The following GRID2 variants were observed in gnomAD, a reference collection of about 807,000 sequenced individuals.
GRID2 encodes the protein glutamate receptor ionotropic, delta-2.
GRID2 carries 33 observed loss-of-function variants against 114.8 expected under a neutral mutation model. That is an observed-to-expected ratio of 0.29 (90% confidence interval 0.22 to 0.38). The LOEUF (loss-of-function observed/expected upper bound fraction) is 0.38. Ranked by LOEUF, GRID2 falls within the 10% of genes least tolerant of loss-of-function variation. GRID2 has a pLI of 1.00. For synonymous variants in GRID2, 505 were observed against 449.9 expected (o/e 1.12, Z -1.55); for missense variants, 1,184 against 1,257.7 (o/e 0.94, Z 0.89).
At chr4:92,379,331 A>C (rs1172820053) in intron 1 of GRID2, among the ~76,000 whole-genome samples, 3 of 151,972 alleles carry the variant, frequency 2.0e-5, no homozygotes, top group African/African-American at 7.2e-5. Context: ...TTTTGTTGCC[A>C]TGAGTTTGGG....
chr4:93,609,207 T>C (rs1221263629), intron 13 of GRID2, among the ~76,000 whole-genome samples: 1 of 94,594 alleles, frequency 1.1e-5, no homozygotes, highest in Non-Finnish European at 2.4e-5. Flanking sequence ...AGATTCTGGA[T>C]ATTAGCCCTT....
chr4:92,935,074 A>G (rs1268030684), intron 2 of GRID2, among the ~76,000 whole-genome samples: 1 of 146,948 alleles, frequency 6.8e-6, no homozygotes, highest in Non-Finnish European at 1.5e-5. Flanking sequence ...TGCACAGCAG[A>G]AGAAACTAGC....
chr4:92,706,027 C>T (rs1161354270), intron 2 of GRID2, among the ~76,000 whole-genome samples: 1 of 152,182 alleles, frequency 6.6e-6, no homozygotes, highest in Non-Finnish European at 1.5e-5. Context: ...ACCTCATCAG[C>T]CTGCTGGCTT....
intron 1 of GRID2, among the ~76,000 whole-genome samples, chr4:92,410,526 G>C (rs1376297081): frequency 6.6e-6 from 1 of 152,132 alleles, no homozygotes; most frequent in Admixed American, 6.6e-5. Context: ...AGGATCTCTG[G>C]CTTCACAGAG....
chr4:92,417,634 A>T (rs1000182757), intron 1 of GRID2, among the ~76,000 whole-genome samples: 1 of 152,176 alleles, frequency 6.6e-6, no homozygotes, highest in South Asian at 2.1e-4. Flanking sequence ...ATCATATTAC[A>T]TGCCATTGTG....
chr4:92,734,451 T>A (rs1736489665), intron 2 of GRID2, among the ~76,000 whole-genome samples: 1 of 151,960 alleles, frequency 6.6e-6, no homozygotes, highest in Non-Finnish European at 1.5e-5. Flanking sequence ...CTCACTATTT[T>A]ATTTTCCTTT....
chr4:93,166,211 A>T (rs1301718926), intron 4 of GRID2: 1 of 152,192 alleles, frequency 6.6e-6, no homozygotes, highest in Non-Finnish European at 1.5e-5. Context: ...GTAATTTGTT[A>T]GCTAAAAATT....
intron 13 of GRID2, among the ~76,000 whole-genome samples, chr4:93,578,587 ATTTTTTTTTTTTTTT>A (rs59397408): frequency 1.2e-5 from 1 of 83,926 alleles, no homozygotes; most frequent in Non-Finnish European, 2.2e-5. Flanking sequence ...TGTTTTTTGT[ATTTTTTTTTTTTTTT>A]TTTTTTTTTG....
chr4:93,378,265 A>G (rs1025327160), intron 8 of GRID2, among the ~76,000 whole-genome samples: 1 of 152,154 alleles, frequency 6.6e-6, no homozygotes, highest in Non-Finnish European at 1.5e-5. Context: ...TTAGATTTCA[A>G]TGAATCCCCA....
At chr4:93,405,481 T>A (rs547989397) in intron 9 of GRID2, among the ~76,000 whole-genome samples, 1 of 152,272 alleles carries the variant, frequency 6.6e-6, no homozygotes, top group East Asian at 1.9e-4. Flanking sequence ...ACCTGAATTC[T>A]TAGACTAATC....
intron 2 of GRID2, among the ~76,000 whole-genome samples, chr4:92,950,187 AAAG>A (rs1216962732): frequency 6.6e-6 from 1 of 152,134 alleles, no homozygotes; most frequent in Non-Finnish European, 1.5e-5. Flanking sequence ...ATTTTCTAAA[AAAG>A]CAAAAAGTAT....
intron 2 of GRID2, among the ~76,000 whole-genome samples, chr4:92,623,839 T>C (rs1264008944): frequency 2.6e-5 from 4 of 151,904 alleles, no homozygotes; most frequent in Non-Finnish European, 4.4e-5. Context: ...GTAACTGATA[T>C]TTTATACCAT....
intron 14 of GRID2, among the ~76,000 whole-genome samples, chr4:93,730,564 C>A (rs988679942): frequency 6.6e-6 from 1 of 152,168 alleles, no homozygotes; most frequent in Non-Finnish European, 1.5e-5. Context: ...TTGGCTCCCC[C>A]CAATCCCATT....
At chr4:92,330,308 C>T (rs1347602438) in intron 1 of GRID2, among the ~76,000 whole-genome samples, 2 of 152,116 alleles carry the variant, frequency 1.3e-5, no homozygotes, top group African/African-American at 4.8e-5. Context: ...TGCTGTTCCT[C>T]TTCAGAGTTA....
intron 1 of GRID2, among the ~76,000 whole-genome samples, chr4:92,372,332 G>C (rs183213627): frequency 2.6e-5 from 4 of 152,106 alleles, no homozygotes; most frequent in Non-Finnish European, 5.9e-5. Context: ...TTTGTGAAAG[G>C]AAGTATCAAT....
At chr4:93,258,766 C>A in intron 8 of GRID2, 1 of 348,812 alleles carries the variant, frequency 2.9e-6, no homozygotes, top group Non-Finnish European at 5.7e-6. Flanking sequence ...TCATTTAAAG[C>A]TATAATTAAC....
At chr4:92,835,746 C>T (rs1485181072) in intron 2 of GRID2, among the ~76,000 whole-genome samples, 1 of 152,124 alleles carries the variant, frequency 6.6e-6, no homozygotes. Context: ...AATTTACATA[C>T]ACAAATGTAT....
intron 4 of GRID2, among the ~76,000 whole-genome samples, chr4:93,122,660 C>T (rs1160019503): frequency 6.6e-6 from 1 of 151,714 alleles, no homozygotes; most frequent in African/African-American, 2.4e-5. Flanking sequence ...AAACAAACTG[C>T]TCCATATAAA....
intron 8 of GRID2, among the ~76,000 whole-genome samples, chr4:93,285,785 T>C (rs532182462): frequency 6.6e-6 from 1 of 152,088 alleles, no homozygotes; most frequent in South Asian, 2.1e-4. Context: ...AAGTCAAGAA[T>C]TGATGGTAAT....
Sources: gnomAD v4.1 joint callset for allele counts (sites outside exome capture counted in the v4.1 genomes callset) on GRCh38, gnomAD v4.1.1 for gene constraint, MANE v1.5 for transcripts, NCBI Gene and HGNC (gene_info 2026-07-23, HGNC 2026-07-21) for gene names.